Variants in VWA3B observed in about 807,000 individuals in gnomAD.
VWA3B encodes the protein von Willebrand factor A domain containing 3B.
In VWA3B, 138 loss-of-function variants were observed where a neutral mutation model predicts 158.3. That is an observed-to-expected ratio of 0.87 (90% CI 0.76 to 1.00). The LOEUF (loss-of-function observed/expected upper bound fraction) is 1.00, where lower values mean the gene tolerates loss of function less well. VWA3B is among the 50% of genes least tolerant of loss of function. The pLI is 0.00. For missense variants in VWA3B, 1,555 were observed against 1,565.1 expected (o/e 0.99, Z 0.11); for synonymous variants, 596 against 587.3 (o/e 1.01, Z -0.21).
At chr2:98,119,388 T>A (rs1674779159) in intron 3 of VWA3B, 125 bp from the exon 4 acceptor site, 1 of 1,065,298 alleles carries the variant, frequency 9.4e-7, no homozygotes, top group Non-Finnish European at 1.3e-6. Flanking sequence ...TTCTCCTGGA[T>A]TCTGTAGTGT....
At chr2:98,171,571 T>C (rs1256002151) in intron 8 of VWA3B, among the ~76,000 whole-genome samples, 2 of 152,040 alleles carry the variant, frequency 1.3e-5, no homozygotes, top group African/African-American at 4.8e-5. Context: ...AGGGACCCGA[T>C]TGTGCTGGCT....
At chr2:98,178,766 T>C (rs1173890912) in intron 8 of VWA3B, among the ~76,000 whole-genome samples, 1 of 152,146 alleles carries the variant, frequency 6.6e-6, no homozygotes, top group Non-Finnish European at 1.5e-5. Flanking sequence ...ATCTAGTGGA[T>C]GGGACTCAGG....
intron 23 of VWA3B, chr2:98,292,081 T>TAAAAAAA (rs772141517): frequency 1.2e-5 from 1 of 86,118 alleles, no homozygotes; most frequent in Non-Finnish European, 2.3e-5. Flanking sequence ...TCATCTCTAC[T>TAAAAAAA]AAAAAAAAAA....
At chr2:98,310,197 G>A (rs908859901) in intron 26 of VWA3B, among the ~76,000 whole-genome samples, 1 of 152,166 alleles carries the variant, frequency 6.6e-6, no homozygotes, top group African/African-American at 2.4e-5. Flanking sequence ...TATGTTCTAA[G>A]GCAGCCTTGC....
intron 21 of VWA3B, among the ~76,000 whole-genome samples, chr2:98,266,585 A>G (rs1190912467): frequency 1.4e-5 from 2 of 143,410 alleles, no homozygotes; most frequent in African/African-American, 5.3e-5. Context: ...CTGTGAAGAA[A>G]GGCATTGGTA....
intron 22 of VWA3B, among the ~76,000 whole-genome samples, chr2:98,277,122 CTG>C (rs1213717838): frequency 6.6e-6 from 1 of 152,224 alleles, no homozygotes; most frequent in African/African-American, 2.4e-5. Flanking sequence ...CCATGCTTGA[CTG>C]TATGATGGTT....
At chr2:98,141,574 G>GCCC (rs774153858) in intron 7 of VWA3B, among the ~76,000 whole-genome samples, 2 of 152,026 alleles carry the variant, frequency 1.3e-5, no homozygotes, top group Non-Finnish European at 2.9e-5. Context: ...CTTCCACCAG[G>GCCC]CCCCATCTCT....
chr2:98,288,610 A>G (rs1689304690), intron 22 of VWA3B, among the ~76,000 whole-genome samples: 1 of 152,144 alleles, frequency 6.6e-6, no homozygotes, highest in South Asian at 2.1e-4. Flanking sequence ...ATTTTTATCA[A>G]AGTACATGTT....
intron 8 of VWA3B, among the ~76,000 whole-genome samples, chr2:98,173,199 G>T (rs1679738981): frequency 6.6e-6 from 1 of 152,206 alleles, no homozygotes. Flanking sequence ...CTGGGGCAGG[G>T]CGCAGCTGGT....
intron 21 of VWA3B, among the ~76,000 whole-genome samples, chr2:98,264,406 G>A (rs62156745): frequency 0.04 from 6,048 of 151,894 alleles, 178 homozygotes; most frequent in Middle Eastern, 0.075. Flanking sequence ...CATACATTTC[G>A]ATATGTTGTA....
intron 23 of VWA3B, among the ~76,000 whole-genome samples, chr2:98,294,752 CTT>C (rs1182025645): frequency 6.6e-6 from 1 of 152,196 alleles, no homozygotes; most frequent in African/African-American, 2.4e-5. Flanking sequence ...AAATGGAACA[CTT>C]TCTCAGGTGT....
chr2:98,304,909 G>A (rs374852069), intron 26 of VWA3B, among the ~76,000 whole-genome samples: 14 of 151,994 alleles, frequency 9.2e-5, no homozygotes, highest in East Asian at 5.8e-4. Context: ...CTTCACTGCC[G>A]GTCTCCATGC....
chr2:98,282,589 A>G (rs1205340165), intron 22 of VWA3B, among the ~76,000 whole-genome samples: 1 of 151,846 alleles, frequency 6.6e-6, no homozygotes, highest in Non-Finnish European at 1.5e-5. Flanking sequence ...GGCGCACGGC[A>G]CCACACCCAG....
In VWA3B at chr2:98,115,752, T is replaced by G; in HGVS notation, c.291+6T>G. On this transcript the variant is annotated splice_donor_region_variant and intron_variant, in intron 3 of 27. Transcript: ENST00000477737. ...AAGATGGCAGAGTATACAATGTAAGTCAGAGTTCCCTCAATGCGCAGTCCT... is the reference window on the plus strand; with the variant it reads ...AAGATGGCAGAGTATACAATGTAAGGCAGAGTTCCCTCAATGCGCAGTCCT... 6.2e-7 allele frequency: 1 copy of G among 1,610,438 alleles called. No individual in the cohort carries two copies. Among genetic ancestry groups the G allele is most frequent in the Non-Finnish European group, 8.5e-7 (1 of 1,177,932 alleles).
intron 3 of VWA3B, among the ~76,000 whole-genome samples, chr2:98,118,863 C>T (rs371979492): frequency 6.4e-4 from 98 of 152,318 alleles, no homozygotes; most frequent in African/African-American, 2.2e-3. Context: ...AGGCCTTGCA[C>T]AGTGTGTCTG....
intron 8 of VWA3B, among the ~76,000 whole-genome samples, chr2:98,177,046 C>T (rs2105327144): frequency 1.3e-5 from 2 of 152,246 alleles, no homozygotes; most frequent in South Asian, 4.2e-4. Flanking sequence ...GTGAGAAATC[C>T]CTGATGGCTG....
Position 98,230,027 on chromosome 2 carries a change from A to G in VWA3B, c.2151-23A>G, listed in dbSNP as rs752801927. 35 of 1,548,376 alleles carry G rather than the reference A, an allele frequency of 2.3e-5. No homozygotes were observed. In the South Asian group the frequency reaches 4.3e-4, roughly 19 times the overall value. ...TCTTTTCTCTCTCTTTTTTTGCTCGACTTTTTATCTAAATCAAAACAGGCA... is the reference window on the plus strand; with the variant it reads ...TCTTTTCTCTCTCTTTTTTTGCTCGGCTTTTTATCTAAATCAAAACAGGCA... On this transcript the variant is annotated intron_variant, in intron 15 of 27. Coordinates refer to ENST00000477737, the MANE Select transcript of VWA3B (RefSeq NM_144992.5).
chr2:98,245,979 C>A (rs1166257273), intron 19 of VWA3B, among the ~76,000 whole-genome samples: 1 of 152,146 alleles, frequency 6.6e-6, no homozygotes, highest in Non-Finnish European at 1.5e-5. Context: ...AAGCCACATG[C>A]TGAATTCATG....
rs975906070 is a variant in VWA3B, at chr2:98,301,296, A to C, written c.3420+1080A>C. On this transcript the variant is annotated intron_variant, in intron 25 of 27. Coordinates refer to ENST00000477737, the MANE Select transcript of VWA3B (RefSeq NM_144992.5). ...CACAGCAAGACTGTCTCAAAAAAAA[A>C]CAAAAAAACAAAACAAAAAAAAAAA... is the stretch of plus-strand genomic sequence containing the variant. Among the ~76,000 whole-genome samples the C allele has an allele frequency of 1.2e-4, 18 of 152,024 alleles. 1 individual carries two copies. The highest frequency in any genetic ancestry group is 2.1e-4 in the South Asian group (1 of 4,798).
Sources: allele counts gnomAD v4.1 joint callset (sites outside exome capture counted in the v4.1 genomes callset), GRCh38; gene constraint gnomAD v4.1.1; transcripts MANE v1.5; gene names NCBI Gene and HGNC (gene_info 2026-07-23, HGNC 2026-07-21).